The following GPC5 variants were observed in gnomAD, a reference collection of about 807,000 sequenced individuals.
GPC5 encodes glypican 5.
A neutral mutation model predicts 53.9 loss-of-function variants in GPC5; 47 were observed. The ratio of observed to expected loss-of-function variants is 0.87; its 90% CI spans 0.69 to 1.11. GPC5 has a LOEUF of 1.11. Among genes scored for constraint, GPC5 ranks in the 50% most tolerant of loss-of-function variants. GPC5 has a pLI of 0.00. For synonymous variants in GPC5, 286 were observed against 263.3 expected, an observed-to-expected ratio of 1.09 and a Z score of -0.84; for missense variants, 748 against 713.1, an observed-to-expected ratio of 1.05 and a Z score of -0.56.
intron 7 of GPC5, among the ~76,000 whole-genome samples, chr13:92,188,180 C>T (rs2042197860): frequency 6.6e-6 from 1 of 152,074 alleles, no homozygotes; most frequent in African/African-American, 2.4e-5. Context: ...AATATTTAAA[C>T]ACCTGATTTT....
intron 2 of GPC5, among the ~76,000 whole-genome samples, chr13:91,689,254 A>G (rs902163402): frequency 7.4e-6 from 1 of 134,762 alleles, no homozygotes; most frequent in African/African-American, 2.7e-5. Context: ...TATGGTATAA[A>G]TTTTTTTTAA....
intron 2 of GPC5, among the ~76,000 whole-genome samples, chr13:91,578,952 G>C (rs2032243674): frequency 6.6e-6 from 1 of 151,866 alleles, no homozygotes; most frequent in African/African-American, 2.4e-5. Context: ...AGGCTGAGGT[G>C]GGAGGATTGC....
chr13:91,816,790 G>A (rs1382189911), intron 5 of GPC5, among the ~76,000 whole-genome samples: 1 of 152,080 alleles, frequency 6.6e-6, no homozygotes, highest in African/African-American at 2.4e-5. Context: ...TATGGCTTTG[G>A]TACAATGGAA....
At chr13:92,009,700 T>A (rs2040642875) in intron 6 of GPC5, among the ~76,000 whole-genome samples, 1 of 152,158 alleles carries the variant, frequency 6.6e-6, no homozygotes, top group African/African-American at 2.4e-5. Context: ...CCCAAATAAT[T>A]TCCTTTGTCT....
intron 7 of GPC5, among the ~76,000 whole-genome samples, chr13:92,480,240 G>T (rs1164843017): frequency 6.6e-6 from 1 of 152,200 alleles, no homozygotes; most frequent in Non-Finnish European, 1.5e-5. Context: ...GCTAAGATTT[G>T]TATGGAGTTC....
chr13:91,814,855 T>A (rs1219591234), intron 5 of GPC5, among the ~76,000 whole-genome samples: 2 of 152,222 alleles, frequency 1.3e-5, no homozygotes, highest in Non-Finnish European at 2.9e-5. Flanking sequence ...CTTTATTTTT[T>A]AATTGAATGC....
chr13:91,786,522 A>G (rs1480220493), intron 5 of GPC5, among the ~76,000 whole-genome samples: 2 of 152,082 alleles, frequency 1.3e-5, no homozygotes, highest in African/African-American at 4.8e-5. Context: ...GTTTTTATAT[A>G]CATTAAGTTA....
intron 7 of GPC5, among the ~76,000 whole-genome samples, chr13:92,752,829 G>T (rs541863393): frequency 3.3e-5 from 5 of 152,150 alleles, no homozygotes; most frequent in Admixed American, 1.3e-4. Context: ...CACCTGGCTC[G>T]GAGGGACCTA....
At chr13:92,618,677 T>TA (rs1322105691) in intron 7 of GPC5, among the ~76,000 whole-genome samples, 103 of 107,598 alleles carry the variant, frequency 9.6e-4, no homozygotes, top group African/African-American at 2.8e-3. Context: ...AGAAAATGTT[T>TA]AAAAAATGTT....
chr13:91,714,214 T>A (rs1040122673), intron 3 of GPC5, among the ~76,000 whole-genome samples: 4 of 152,190 alleles, frequency 2.6e-5, no homozygotes, highest in African/African-American at 9.7e-5. Context: ...AACCCAACAG[T>A]CAAATTCTTG....
chr13:91,425,953 G>C (rs1345397984), intron 1 of GPC5, among the ~76,000 whole-genome samples: 4 of 152,090 alleles, frequency 2.6e-5, no homozygotes, highest in Admixed American at 2.0e-4. Flanking sequence ...GGGACTTATT[G>C]GGAACTGAAG....
chr13:92,166,966 A>T (rs879877895), intron 7 of GPC5, among the ~76,000 whole-genome samples: 1,595 of 92,780 alleles, frequency 0.017, 7 homozygotes, highest in Middle Eastern at 0.029. Flanking sequence ...TCACACACAC[A>T]CACACACACA....
intron 5 of GPC5, among the ~76,000 whole-genome samples, chr13:91,830,705 G>C (rs1197007475): frequency 6.8e-6 from 1 of 147,518 alleles, no homozygotes; most frequent in East Asian, 2.0e-4. Context: ...TAGAGGGACA[G>C]AACTAATAGG....
chr13:92,670,613 T>A (rs1886713159), intron 7 of GPC5, among the ~76,000 whole-genome samples: 1 of 152,154 alleles, frequency 6.6e-6, no homozygotes, highest in Non-Finnish European at 1.5e-5. Flanking sequence ...GGCACAAAGT[T>A]GGTGTTTCCA....
At chr13:92,157,331 C>T (rs1041561875) in intron 7 of GPC5, among the ~76,000 whole-genome samples, 1 of 152,102 alleles carries the variant, frequency 6.6e-6, no homozygotes, top group Admixed American at 6.5e-5. Flanking sequence ...TAGTTTTATG[C>T]ACCTGGGAGA....
chr13:92,722,530 T>C (rs1209805760), intron 7 of GPC5, among the ~76,000 whole-genome samples: 1 of 151,840 alleles, frequency 6.6e-6, no homozygotes, highest in Non-Finnish European at 1.5e-5. Context: ...TTCTCAAACA[T>C]GAGAGGAAGA....
intron 5 of GPC5, among the ~76,000 whole-genome samples, chr13:91,835,799 G>T (rs1368273399): frequency 6.6e-6 from 1 of 151,936 alleles, no homozygotes; most frequent in African/African-American, 2.4e-5. Flanking sequence ...AGGGTTGATG[G>T]GTGCAGCAAA....
chr13:91,907,753 C>T (rs1485543056), intron 5 of GPC5, among the ~76,000 whole-genome samples, 184 bp from the exon 6 acceptor site: 1 of 151,712 alleles, frequency 6.6e-6, no homozygotes, highest in Admixed American at 6.6e-5. Flanking sequence ...TCTAATGGCA[C>T]GATAAGCATT....
intron 5 of GPC5, among the ~76,000 whole-genome samples, chr13:91,892,558 T>A (rs1162426424): frequency 6.6e-6 from 1 of 151,768 alleles, no homozygotes; most frequent in Non-Finnish European, 1.5e-5. Flanking sequence ...GTAACACTAA[T>A]TTTTAGTGAA....
Sources: allele counts gnomAD v4.1 joint callset (sites outside exome capture counted in the v4.1 genomes callset), GRCh38; gene constraint gnomAD v4.1.1; transcripts MANE v1.5; gene names NCBI Gene and HGNC (gene_info 2026-07-23, HGNC 2026-07-21).